The following SEMA3E variants were observed in gnomAD, a reference collection of about 807,000 sequenced individuals.
SEMA3E encodes the protein semaphorin-3E.
Under a neutral mutation model 93.6 loss-of-function variants are expected in SEMA3E, and 49 were observed. The ratio of observed to expected loss-of-function variants is 0.52; its 90% confidence interval spans 0.42 to 0.66. The LOEUF (loss-of-function observed/expected upper bound fraction) is 0.66, where lower values mean the gene tolerates loss of function less well. Ranked by LOEUF, SEMA3E falls within the 30% of genes least tolerant of loss-of-function variation. The probability of loss-of-function intolerance (pLI) is 0.00; values close to 1 mark genes in which losing one functional copy is unlikely to be tolerated. For synonymous variants in SEMA3E, 363 were observed against 330.7 expected, an observed-to-expected ratio of 1.10 and a Z score of -1.06; for missense variants, 906 against 964.8, an observed-to-expected ratio of 0.94 and a Z score of 0.81.
intron 1 of SEMA3E, among the ~76,000 whole-genome samples, chr7:83,542,159 A>G (rs1791549339): frequency 6.6e-6 from 1 of 151,504 alleles, no homozygotes; most frequent in Admixed American, 6.6e-5. Context: ...CCTGGGCAAC[A>G]TAGTGAGAAT....
In SEMA3E at chr7:83,363,976, G is replaced by A. The variant is rs897486342; in HGVS notation, c.*3610C>T. On this transcript the variant is annotated 3_prime_UTR_variant, in exon 17 of 17. Transcript: ENST00000643230. ...GTGGCGCAATCTCGGCTCACTGCAA[G>A]CTCCGCTTCCCGGGTTCACGCCATT... 1.4e-5 allele frequency: 2 copies of A among 137,968 alleles called. No individual in the cohort carries two copies. Among genetic ancestry groups the A allele is most frequent in the Admixed American group, 7.9e-5 (1 of 12,648 alleles). 8.5% of individuals were successfully genotyped at this position (137,968 alleles called of 1,614,324 possible).
chr7:83,466,274 A>C (rs1789753645), intron 4 of SEMA3E, among the ~76,000 whole-genome samples: 1 of 152,228 alleles, frequency 6.6e-6, no homozygotes, highest in Admixed American at 6.5e-5. Context: ...AAGTGAATTG[A>C]GTGCATAGCA....
At chr7:83,614,296 A>G (rs940404579) in intron 1 of SEMA3E, among the ~76,000 whole-genome samples, 11 of 152,110 alleles carry the variant, frequency 7.2e-5, no homozygotes, top group African/African-American at 2.7e-4. Flanking sequence ...GTTCAGCACT[A>G]TGGACAGCCA....
At chr7:83,468,271 T>C (rs1033686070) in intron 3 of SEMA3E, among the ~76,000 whole-genome samples, 3 of 152,218 alleles carry the variant, frequency 2.0e-5, no homozygotes, top group Admixed American at 1.3e-4. Flanking sequence ...CCCATATATT[T>C]GGTAGAATCT....
At chr7:83,422,862 A>G (rs1788692316) in intron 4 of SEMA3E, among the ~76,000 whole-genome samples, 2 of 152,280 alleles carry the variant, frequency 1.3e-5, no homozygotes, top group South Asian at 4.1e-4. Context: ...GAAAACTGAA[A>G]GAATTTTAAG....
At chr7:83,411,572 A>G (rs999200765) in intron 5 of SEMA3E, among the ~76,000 whole-genome samples, 3 of 151,986 alleles carry the variant, frequency 2.0e-5, no homozygotes, top group Admixed American at 2.0e-4. Context: ...AAAAATAAAT[A>G]ATAATATTAA....
intron 1 of SEMA3E, among the ~76,000 whole-genome samples, chr7:83,536,505 G>T (rs1402374276): frequency 1.3e-5 from 2 of 151,878 alleles, no homozygotes; most frequent in Non-Finnish European, 2.9e-5. Context: ...ATATGACAAA[G>T]ATTTGTGTTC....
chr7:83,394,348 T>TA lies in SEMA3E; in HGVS notation c.1459-11dup, dbSNP rs1788078377. 1.2e-6 allele frequency: 2 copies of TA among 1,610,804 alleles called. No homozygotes were observed. Among genetic ancestry groups the TA allele is most frequent in the African/African-American group, 1.3e-5 (1 of 74,936 alleles). On this transcript the variant is annotated splice_polypyrimidine_tract_variant and intron_variant, in intron 12 of 16. Transcript: ENST00000643230. The stretch of plus-strand genomic sequence containing the variant: ...TAATAGGAACTGGATCCTGAAATTT[T>TA]AAAAAAGTTTTCATTTTTAAGAAAA...
chr7:83,575,573 C>T (rs965940409), intron 1 of SEMA3E, among the ~76,000 whole-genome samples: 9 of 151,938 alleles, frequency 5.9e-5, no homozygotes, highest in Non-Finnish European at 1.0e-4. Context: ...AAAGCTCTCA[C>T]AAAAAAACTA....
intron 15 of SEMA3E, among the ~76,000 whole-genome samples, chr7:83,386,554 C>A (rs1340692256): frequency 6.6e-6 from 1 of 152,072 alleles, no homozygotes; most frequent in Non-Finnish European, 1.5e-5. Context: ...AGAGTAAAAG[C>A]TTTTTCACTT....
chr7:83,404,928 T>C (rs1260703006), intron 9 of SEMA3E, among the ~76,000 whole-genome samples: 2 of 151,800 alleles, frequency 1.3e-5, no homozygotes, highest in African/African-American at 4.8e-5. Flanking sequence ...AATATAGTAA[T>C]GGGAACTAGC....
Position 83,380,382 on chromosome 7 carries a change from G to T in SEMA3E, c.1875+4912C>A, listed in dbSNP as rs530559388. Among the ~76,000 whole-genome samples the T allele has an allele frequency of 4.0e-5, 6 of 151,802 alleles. No homozygotes were observed. The South Asian group carries it at 1.2e-3, about 32-fold the overall frequency. ...TGTGTGCCAGTTTCTAGAATAATTT[G>T]TGTACACAGTCAAGCTAAGTTGTTC... is the stretch of plus-strand genomic sequence containing the variant. On this transcript the variant is annotated intron_variant, in intron 16 of 16. Transcript: ENST00000643230.
intron 1 of SEMA3E, among the ~76,000 whole-genome samples, chr7:83,540,132 G>T (rs1160165160): frequency 6.6e-6 from 1 of 151,966 alleles, no homozygotes; most frequent in African/African-American, 2.4e-5. Context: ...ATCCACCCTC[G>T]TCGGCCTTGC....
At chr7:83,464,671 A>G (rs1225145619) in intron 4 of SEMA3E, among the ~76,000 whole-genome samples, 46 of 136,630 alleles carry the variant, frequency 3.4e-4, no homozygotes, top group East Asian at 7.2e-4. Flanking sequence ...TAGTTTTTCA[A>G]TTCATCCAAA....
chr7:83,473,247 G>A (rs2115906835), intron 2 of SEMA3E, among the ~76,000 whole-genome samples: 1 of 152,136 alleles, frequency 6.6e-6, no homozygotes, highest in Non-Finnish European at 1.5e-5. Flanking sequence ...TTTCTCCTCA[G>A]GATGCTTAAG....
At chr7:83,645,051 C>T (rs1794062074) in intron 1 of SEMA3E, among the ~76,000 whole-genome samples, 1 of 152,092 alleles carries the variant, frequency 6.6e-6, no homozygotes, top group Non-Finnish European at 1.5e-5. Context: ...TCTTGCTCAA[C>T]ATAGGTCTTG....
At chr7:83,613,050 G>A (rs1336708595) in intron 1 of SEMA3E, among the ~76,000 whole-genome samples, 1 of 151,982 alleles carries the variant, frequency 6.6e-6, no homozygotes, top group African/African-American at 2.4e-5. Context: ...GCTTGTATGT[G>A]ATATATGAAC....
At chr7:83,547,317 G>T (rs1180121779) in intron 1 of SEMA3E, among the ~76,000 whole-genome samples, 1 of 152,074 alleles carries the variant, frequency 6.6e-6, no homozygotes, top group Non-Finnish European at 1.5e-5. Context: ...TACCACACAA[G>T]TCTAACAATC....
chr7:83,436,215 G>A (rs1319889256), intron 4 of SEMA3E, among the ~76,000 whole-genome samples: 1 of 151,722 alleles, frequency 6.6e-6, no homozygotes, highest in African/African-American at 2.4e-5. Flanking sequence ...CATATAAAAC[G>A]TGTGTTAAAG....
Sources: gnomAD v4.1 joint callset for allele counts (sites outside exome capture counted in the v4.1 genomes callset) on GRCh38, gnomAD v4.1.1 for gene constraint, MANE v1.5 for transcripts, NCBI Gene and HGNC (gene_info 2026-07-23, HGNC 2026-07-21) for gene names.